The following NFIA variants were observed in gnomAD, a reference collection of about 807,000 sequenced individuals.
The protein encoded by NFIA is nuclear factor 1 A-type.
In NFIA, 8 loss-of-function variants were observed where a neutral mutation model predicts 62.8. The ratio of observed to expected loss-of-function variants is 0.13; its 90% CI spans 0.07 to 0.23. NFIA has a LOEUF of 0.23. NFIA is among the 10% of genes least tolerant of loss of function. The pLI is 1.00. For synonymous variants in NFIA, 235 were observed against 238.1 expected, an observed-to-expected ratio of 0.99 and a Z score of 0.12; for missense variants, 410 against 642.1, an observed-to-expected ratio of 0.64 and a Z score of 3.91.
At chr1:61,393,074 G>A (rs1001755609) in intron 7 of NFIA, among the ~76,000 whole-genome samples, 1 of 151,786 alleles carries the variant, frequency 6.6e-6, no homozygotes, top group Non-Finnish European at 1.5e-5. Context: ...CGCTTGGACT[G>A]TACCTTGCGT....
At chr1:61,271,130 G>A (rs1406742928) in intron 2 of NFIA, among the ~76,000 whole-genome samples, 2 of 152,216 alleles carry the variant, frequency 1.3e-5, no homozygotes, top group Admixed American at 6.5e-5. Flanking sequence ...CAGAGTGACT[G>A]AATTTGTCAT....
intron 4 of NFIA, among the ~76,000 whole-genome samples, chr1:61,349,038 G>A (rs879912196): frequency 6.6e-6 from 1 of 152,194 alleles, no homozygotes; most frequent in Non-Finnish European, 1.5e-5. Flanking sequence ...AGCTTGCTGG[G>A]AGTGAGGATG....
intron 10 of NFIA, among the ~76,000 whole-genome samples, chr1:61,442,800 C>A (rs1345969773): frequency 2.0e-5 from 3 of 152,120 alleles, no homozygotes; most frequent in African/African-American, 7.2e-5. Flanking sequence ...GGAAATCAAC[C>A]AATCAGTCCT....
chr1:61,318,841 A>G (rs1307843021), intron 3 of NFIA, among the ~76,000 whole-genome samples: 1 of 152,144 alleles, frequency 6.6e-6, no homozygotes, highest in Non-Finnish European at 1.5e-5. Flanking sequence ...TGCATAGAGG[A>G]AAGGCCACCT....
Position 61,292,462 on chromosome 1 carries a change from T to C in NFIA, c.625+14877T>C, listed in dbSNP as rs924255982. On this transcript the variant is annotated intron_variant, in intron 3 of 10. Transcript: ENST00000403491. ...AATTGTACATATATTTATTAATATA[T>C]AATCCCTGTGCCAGGCAGTGGGCAT... 2.0e-5 allele frequency among the ~76,000 whole-genome samples: 3 copies of C among 152,188 alleles called. No individual in the cohort carries two copies. The East Asian group carries it at 5.8e-4, about 29-fold the overall frequency.
intron 7 of NFIA, among the ~76,000 whole-genome samples, chr1:61,402,041 T>TC (rs1272347065): frequency 7.3e-6 from 1 of 136,616 alleles, no homozygotes; most frequent in Non-Finnish European, 1.5e-5. Context: ...TTCTTTTTTT[T>TC]TTTTTTTTTT....
chr1:61,394,861 C>A (rs1665185729), intron 7 of NFIA, among the ~76,000 whole-genome samples: 1 of 152,196 alleles, frequency 6.6e-6, no homozygotes, highest in South Asian at 2.1e-4. Context: ...GTAATCCCAA[C>A]ATGTTGGGAG....
chr1:61,188,909 T>G (rs906626045), intron 2 of NFIA, among the ~76,000 whole-genome samples: 5 of 152,212 alleles, frequency 3.3e-5, no homozygotes, highest in African/African-American at 1.2e-4. Context: ...TTAGGTACAA[T>G]AAGTGCTTCC....
At chr1:61,311,724 TAAAC>T (rs1235592602) in intron 3 of NFIA, among the ~76,000 whole-genome samples, 3 of 152,240 alleles carry the variant, frequency 2.0e-5, no homozygotes, top group South Asian at 2.1e-4. Flanking sequence ...TTCCATTTAA[TAAAC>T]AAAATTTCTA....
In NFIA at chr1:61,317,240, G is replaced by A. The variant is rs187562593; in HGVS notation, c.626-15272G>A. Among the ~76,000 whole-genome samples the A allele has an allele frequency of 3.0e-3, 452 of 152,160 alleles. 3 individuals are homozygous for A. Among genetic ancestry groups the A allele is most frequent in the South Asian group, 3.9e-3 (19 of 4,812 alleles). ...CTATATACTTCTGTACATTATTTATGAAAAAGTAGATAAAACTTGATCTCC... is the reference window on the plus strand; with the variant it reads ...CTATATACTTCTGTACATTATTTATAAAAAAGTAGATAAAACTTGATCTCC... On this transcript the variant is annotated intron_variant, in intron 3 of 10. Coordinates refer to ENST00000403491, the MANE Select transcript of NFIA (RefSeq NM_001134673.4).
At position 61,323,029 on chromosome 1, in the gene NFIA, G is replaced by A. The variant is rs527915391; in HGVS notation, c.626-9483G>A. ...AACACAGATTAGGTGTCTGTATTGA[G>A]TAACAGTAAATGAGCAGCACAGGGA... On this transcript the variant is annotated intron_variant, in intron 3 of 10. Coordinates refer to ENST00000403491, the MANE Select transcript of NFIA (RefSeq NM_001134673.4). 8.5e-5 allele frequency among the ~76,000 whole-genome samples: 13 copies of A among 152,318 alleles called. No individual in the cohort carries two copies. The South Asian group carries it at 2.5e-3, about 29-fold the overall frequency.
intron 2 of NFIA, among the ~76,000 whole-genome samples, chr1:61,116,623 GTGAAT>G (rs1164749879): frequency 6.6e-6 from 1 of 152,212 alleles, no homozygotes; most frequent in Non-Finnish European, 1.5e-5. Flanking sequence ...CATCAGCAAA[GTGAAT>G]TGCCGTATAG....
At chr1:61,211,724 G>T (rs1048760078) in intron 2 of NFIA, among the ~76,000 whole-genome samples, 3 of 152,262 alleles carry the variant, frequency 2.0e-5, no homozygotes, top group Admixed American at 2.0e-4. Context: ...TCGAGACAAA[G>T]TCTGGCTCTG....
At chr1:61,187,510 G>C (rs1051220602) in intron 2 of NFIA, among the ~76,000 whole-genome samples, 2 of 152,192 alleles carry the variant, frequency 1.3e-5, no homozygotes, top group Admixed American at 1.3e-4. Flanking sequence ...AGCGGTGGTG[G>C]TGGCATGGAG....
At chr1:61,203,408 C>A (rs1400725560) in intron 2 of NFIA, among the ~76,000 whole-genome samples, 3 of 152,144 alleles carry the variant, frequency 2.0e-5, no homozygotes, top group Admixed American at 2.0e-4. Flanking sequence ...ACCACCCTCC[C>A]TTATTTATAA....
intron 2 of NFIA, among the ~76,000 whole-genome samples, chr1:61,274,010 A>G (rs1447335093): frequency 1.3e-5 from 2 of 152,220 alleles, no homozygotes; most frequent in Non-Finnish European, 2.9e-5. Context: ...GGAGCCGAAT[A>G]TGTGTACATG....
At chr1:61,406,463 G>T (rs1665824230) in intron 8 of NFIA, 99 bp from the exon 9 acceptor site, 1 of 976,046 alleles carries the variant, frequency 1.0e-6, no homozygotes, top group East Asian at 2.6e-5. Flanking sequence ...TTACATTAAA[G>T]GTGCCTGATG....
intron 2 of NFIA, among the ~76,000 whole-genome samples, chr1:61,130,519 T>C (rs749057614): frequency 7.9e-5 from 12 of 152,220 alleles, no homozygotes; most frequent in Non-Finnish European, 1.3e-4. Context: ...GGACAAAACA[T>C]GCATCAGTGA....
intron 2 of NFIA, among the ~76,000 whole-genome samples, chr1:61,166,145 G>A (rs183282443): frequency 3.9e-5 from 6 of 152,076 alleles, no homozygotes; most frequent in African/African-American, 1.4e-4. Flanking sequence ...TTTTAATAGG[G>A]GACTCTTAGA....
Sources: gnomAD v4.1 joint callset for allele counts (sites outside exome capture counted in the v4.1 genomes callset) on GRCh38, gnomAD v4.1.1 for gene constraint, MANE v1.5 for transcripts, NCBI Gene and HGNC (gene_info 2026-07-23, HGNC 2026-07-21) for gene names.